PHACTR1: variants seen among roughly 807,000 people sequenced by gnomAD.
PHACTR1 encodes the protein RPEL repeat containing 1.
Under a neutral mutation model 69.2 loss-of-function variants are expected in PHACTR1, and 16 were observed. That is an observed-to-expected ratio of 0.23 (90% confidence interval 0.16 to 0.35). The LOEUF is 0.35. Ranked by LOEUF, PHACTR1 falls within the 10% of genes least tolerant of loss-of-function variation. The probability of loss-of-function intolerance (pLI) is 1.00; values close to 1 mark genes in which losing one functional copy is unlikely to be tolerated. For missense variants in PHACTR1, 510 were observed against 734.7 expected (o/e 0.69, Z 3.54); for synonymous variants, 312 against 284.5 (o/e 1.10, Z -0.97).
chr6:12,918,555 ATT>A (rs1787273906), intron 4 of PHACTR1, among the ~76,000 whole-genome samples: 1 of 152,170 alleles, frequency 6.6e-6, no homozygotes, highest in Admixed American at 6.5e-5. Flanking sequence ...CATCGTTATC[ATT>A]GTTTCATTAG....
intron 4 of PHACTR1, among the ~76,000 whole-genome samples, chr6:13,014,958 C>A (rs1418883963): frequency 1.3e-5 from 2 of 152,206 alleles, no homozygotes; most frequent in Non-Finnish European, 2.9e-5. Flanking sequence ...AGGCGGTTCC[C>A]GAGCAGCTCA....
chr6:13,212,672 T>A (rs1031726401), intron 8 of PHACTR1, among the ~76,000 whole-genome samples: 1 of 152,040 alleles, frequency 6.6e-6, no homozygotes, highest in Non-Finnish European at 1.5e-5. Flanking sequence ...TCTCTGTTGC[T>A]CCCTCCTCCC....
intron 4 of PHACTR1, among the ~76,000 whole-genome samples, chr6:13,006,255 C>G (rs1013262611): frequency 5.9e-5 from 9 of 152,206 alleles, no homozygotes; most frequent in Non-Finnish European, 1.0e-4. Context: ...TTTCTGTGTC[C>G]TGTGCCTGTA....
rs532343833 is a variant in PHACTR1, at chr6:13,135,747, G to C, written c.416-24457G>C. Among the ~76,000 whole-genome samples, 6 of 152,208 alleles carry C rather than the reference G, an allele frequency of 3.9e-5. No homozygotes were observed. In the South Asian group the frequency reaches 8.3e-4, roughly 21 times the overall value. On this transcript the variant is annotated intron_variant, in intron 5 of 14. Transcript: ENST00000332995. ...TTAAAACGTATTTTAGGCCAGGTAC[G>C]GTGGCTCATGCCTATAATCTCAGCA...
chr6:12,903,973 CTGT>C (rs927505311), intron 4 of PHACTR1, among the ~76,000 whole-genome samples: 42 of 152,076 alleles, frequency 2.8e-4, no homozygotes, highest in African/African-American at 9.9e-4. Flanking sequence ...AAGTCAATTC[CTGT>C]TTTTAACTAT....
intron 3 of PHACTR1, among the ~76,000 whole-genome samples, chr6:12,748,791 T>G (rs1193726432): frequency 1.3e-5 from 2 of 152,178 alleles, no homozygotes; most frequent in African/African-American, 4.8e-5. Flanking sequence ...TATGTAGAGA[T>G]AACACAACCC....
At chr6:12,769,268 C>A (rs1010158505) in intron 4 of PHACTR1, among the ~76,000 whole-genome samples, 6 of 152,246 alleles carry the variant, frequency 3.9e-5, no homozygotes, top group African/African-American at 1.4e-4. Context: ...CGGTAGTTGC[C>A]CTGATTTGAT....
intron 4 of PHACTR1, among the ~76,000 whole-genome samples, chr6:12,773,366 T>C (rs1769631695): frequency 6.6e-6 from 1 of 152,178 alleles, no homozygotes; most frequent in Non-Finnish European, 1.5e-5. Context: ...ATTTTAACAA[T>C]AGTGTGACAA....
intron 8 of PHACTR1, among the ~76,000 whole-genome samples, chr6:13,210,907 A>ATTTTTT (rs1766714143): frequency 1.3e-5 from 1 of 79,318 alleles, no homozygotes. Flanking sequence ...ATGGTTTATC[A>ATTTTTT]TTTCTTTTTT....
At chr6:13,069,447 C>A (rs1296733605) in intron 5 of PHACTR1, among the ~76,000 whole-genome samples, 1 of 152,140 alleles carries the variant, frequency 6.6e-6, no homozygotes, top group Non-Finnish European at 1.5e-5. Context: ...CACTTCCAGG[C>A]CCTCTAGACC....
chr6:12,951,574 TTG>T (rs1791300155), intron 4 of PHACTR1, among the ~76,000 whole-genome samples: 1 of 152,238 alleles, frequency 6.6e-6, no homozygotes, highest in Non-Finnish European at 1.5e-5. Context: ...GTGCAATGTG[TTG>T]TAAAGCCAGG....
At chr6:12,735,895 G>T (rs534722523) in intron 3 of PHACTR1, among the ~76,000 whole-genome samples, 1 of 152,294 alleles carries the variant, frequency 6.6e-6, no homozygotes, top group East Asian at 1.9e-4. Context: ...ACACAGTAGA[G>T]CTGGAACCCT....
In PHACTR1 at chr6:12,999,242, G is replaced by A. The variant is rs1797795997; in HGVS notation, c.251-54123G>A. On this transcript the variant is annotated intron_variant, in intron 4 of 14. Transcript: ENST00000332995. ...AATCTTGTGATAGAATCATCTATTG[G>A]AATACTAATGCAACAGGAAATATGA... Among the ~76,000 whole-genome samples the A allele has an allele frequency of 2.0e-5, 3 of 152,182 alleles. No individual in the cohort carries two copies. In the South Asian group the frequency reaches 6.2e-4, roughly 32 times the overall value.
intron 2 of PHACTR1, chr6:12,718,463 AGATCATCTGTTTTTCCT>A (rs1322493349): frequency 5.0e-6 from 1 of 198,150 alleles, no homozygotes; most frequent in Admixed American, 5.8e-5. Context: ...TCTTTAGATC[AGATCATCTGTTTTTCCT>A]GAGTAGAATA....
At chr6:13,037,673 G>C (rs1274484001) in intron 4 of PHACTR1, among the ~76,000 whole-genome samples, 1 of 152,198 alleles carries the variant, frequency 6.6e-6, no homozygotes, top group Non-Finnish European at 1.5e-5. Context: ...GCAGACTCCA[G>C]GGCGTTAAGA....
chr6:12,775,251 C>T (rs1769911842), intron 4 of PHACTR1, among the ~76,000 whole-genome samples: 1 of 151,622 alleles, frequency 6.6e-6, no homozygotes. Context: ...TGTGATAAAT[C>T]AATGTTCTAC....
intron 4 of PHACTR1, among the ~76,000 whole-genome samples, chr6:12,911,170 T>G (rs1786338487): frequency 6.6e-6 from 1 of 152,210 alleles, no homozygotes; most frequent in African/African-American, 2.4e-5. Flanking sequence ...TCACTACCTT[T>G]CATTTCCTGA....
chr6:13,138,128 A>T (rs1382631142), intron 5 of PHACTR1, among the ~76,000 whole-genome samples: 1 of 152,190 alleles, frequency 6.6e-6, no homozygotes, highest in Admixed American at 6.5e-5. Flanking sequence ...GAGCTACTAA[A>T]GGAAACATAC....
At chr6:13,220,514 C>T (rs923044045) in intron 8 of PHACTR1, among the ~76,000 whole-genome samples, 12 of 152,172 alleles carry the variant, frequency 7.9e-5, no homozygotes, top group Non-Finnish European at 1.0e-4. Flanking sequence ...AGTGGGCTGA[C>T]GGCCTGTGAG....
Sources: gnomAD v4.1 joint callset for allele counts (sites outside exome capture counted in the v4.1 genomes callset) on GRCh38, gnomAD v4.1.1 for gene constraint, MANE v1.5 for transcripts, NCBI Gene and HGNC (gene_info 2026-07-23, HGNC 2026-07-21) for gene names.